The following TBCK variants were observed in gnomAD, a reference collection of about 807,000 sequenced individuals.
TBCK encodes TBC domain-containing protein kinase-like protein.
In TBCK, 99 loss-of-function variants were observed where a neutral mutation model predicts 113.4. The observed-to-expected ratio is 0.87, with a 90% CI of 0.74 to 1.03. The LOEUF (loss-of-function observed/expected upper bound fraction) is 1.03, where lower values mean the gene tolerates loss of function less well. Ranked by LOEUF, TBCK falls within the 50% of genes least tolerant of loss-of-function variation. The pLI, the probability that TBCK is intolerant of heterozygous loss-of-function variation, is 0.00. For missense variants in TBCK, 1,045 were observed against 1,061.3 expected (o/e 0.98, Z 0.21); for synonymous variants, 369 against 370.8 (o/e 1.00, Z 0.05).
chr4:106,245,095 G>C (rs1003426606), intron 10 of TBCK, among the ~76,000 whole-genome samples: 11 of 152,280 alleles, frequency 7.2e-5, no homozygotes, highest in South Asian at 2.1e-4. Flanking sequence ...TCAGGAACCA[G>C]TGCCAAGTTT....
chr4:106,216,178 G>C (rs1480544268), intron 19 of TBCK, among the ~76,000 whole-genome samples: 2 of 151,460 alleles, frequency 1.3e-5, no homozygotes, highest in Non-Finnish European at 2.9e-5. Context: ...CGAGAACAAA[G>C]ACACAACATA....
intron 23 of TBCK, among the ~76,000 whole-genome samples, chr4:106,162,761 C>T (rs10017707): frequency 0.057 from 8,638 of 152,138 alleles, 507 homozygotes; most frequent in East Asian, 0.28. Context: ...GGGACACAGG[C>T]GAACATGTTC....
chr4:106,310,644 T>A (rs1180664230), intron 1 of TBCK: 1 of 152,178 alleles, frequency 6.6e-6, no homozygotes, highest in Admixed American at 6.5e-5. Context: ...CAGCTAAGAT[T>A]TGGCTGTTCA....
intron 24 of TBCK, among the ~76,000 whole-genome samples, chr4:106,103,809 A>C (rs1560648320): frequency 6.6e-6 from 1 of 152,182 alleles, no homozygotes; most frequent in Non-Finnish European, 1.5e-5. Context: ...ACATCCAGGT[A>C]TTTGCAGTGG....
chr4:106,116,461 C>A, intron 23 of TBCK, 83 bp from the exon 24 acceptor site: 1 of 1,099,112 alleles, frequency 9.1e-7, no homozygotes, highest in Non-Finnish European at 1.3e-6. Context: ...ATCTTGATAC[C>A]AAACAATACA....
At chr4:106,201,596 G>A (rs12645271) in intron 20 of TBCK, among the ~76,000 whole-genome samples, 19,687 of 151,892 alleles carry the variant, frequency 0.13, 1,605 homozygotes, top group South Asian at 0.24. Context: ...AGCAAGAGTA[G>A]TGATATTTAG....
At chr4:106,281,458 A>G (rs950863959) in intron 3 of TBCK, among the ~76,000 whole-genome samples, 13 of 152,120 alleles carry the variant, frequency 8.5e-5, no homozygotes, top group Admixed American at 2.0e-4. Context: ...ACTATGTTGA[A>G]TAACAGTAGT....
intron 25 of TBCK, among the ~76,000 whole-genome samples, chr4:106,055,313 A>T (rs984337227): frequency 6.6e-6 from 1 of 151,680 alleles, no homozygotes; most frequent in Non-Finnish European, 1.5e-5. Flanking sequence ...TGAAAAAAAA[A>T]GATAAATGGA....
intron 20 of TBCK, among the ~76,000 whole-genome samples, chr4:106,207,274 A>C (rs1755626022): frequency 6.6e-6 from 1 of 152,330 alleles, no homozygotes; most frequent in South Asian, 2.1e-4. Flanking sequence ...TCCGTGACCC[A>C]GAGCAAAAGG....
chr4:106,257,625 C>T (rs1018767103), intron 5 of TBCK, among the ~76,000 whole-genome samples: 4 of 151,896 alleles, frequency 2.6e-5, no homozygotes, highest in African/African-American at 4.8e-5. Flanking sequence ...TATACAAATT[C>T]GTATTGTGTT....
intron 23 of TBCK, among the ~76,000 whole-genome samples, chr4:106,158,010 C>T (rs1024512714): frequency 9.9e-5 from 15 of 152,006 alleles, no homozygotes; most frequent in Admixed American, 4.6e-4. Context: ...TAAAACTGAA[C>T]GAAATCTAAT....
intron 1 of TBCK, among the ~76,000 whole-genome samples, chr4:106,311,200 TACACACAC>T (rs36011277): frequency 0.12 from 16,357 of 138,170 alleles, 1,323 homozygotes; most frequent in African/African-American, 0.24. Context: ...CAGAAACTCC[TACACACAC>T]ACACACACAC....
chr4:106,092,652 C>T (rs1740424800), intron 25 of TBCK, among the ~76,000 whole-genome samples: 1 of 152,228 alleles, frequency 6.6e-6, no homozygotes, highest in Non-Finnish European at 1.5e-5. Context: ...GAGTGCTAAG[C>T]CCCTCACTGC....
intron 25 of TBCK, among the ~76,000 whole-genome samples, chr4:106,072,604 G>T (rs1218474409): frequency 1.3e-5 from 2 of 151,972 alleles, no homozygotes; most frequent in Non-Finnish European, 2.9e-5. Flanking sequence ...GAGTATGTTT[G>T]TAGTGTTCTC....
rs572362743 is a variant in TBCK at position 106,263,969 on chromosome 4, A to G, written c.267-1757T>C. ...TTTATTACATTGTTTTACATTAACA[A>G]ATTTTATTTTACATTATCAAATAAT... On this transcript the variant is annotated intron_variant, in intron 3 of 25. Coordinates refer to ENST00000394708, the MANE Select transcript of TBCK (RefSeq NM_001163435.3). Among the ~76,000 whole-genome samples, 42 of 152,116 alleles carry G rather than the reference A, an allele frequency of 2.8e-4. No individual in the cohort carries two copies. The South Asian group carries it at 3.7e-3, about 14-fold the overall frequency.
intron 23 of TBCK, among the ~76,000 whole-genome samples, chr4:106,122,164 T>C (rs1237418621): frequency 6.6e-6 from 1 of 151,020 alleles, no homozygotes; most frequent in Non-Finnish European, 1.5e-5. Context: ...AAGAATCAAA[T>C]AGACACAATA....
chr4:106,277,567 A>C (rs1327753767), intron 3 of TBCK, among the ~76,000 whole-genome samples: 1 of 152,194 alleles, frequency 6.6e-6, no homozygotes, highest in Non-Finnish European at 1.5e-5. Flanking sequence ...ATTATGCTGA[A>C]TGAAGGAAGA....
Position 106,220,289 on chromosome 4 carries a change from C to A in TBCK, c.1775-7454G>T, listed in dbSNP as rs75650143. 5.6e-3 allele frequency among the ~76,000 whole-genome samples: 860 copies of A among 152,246 alleles called. 8 individuals carry two copies. The highest frequency in any genetic ancestry group is 0.017 in the African/African-American group (695 of 41,548). On this transcript the variant is annotated intron_variant, in intron 19 of 25. Coordinates refer to ENST00000394708, the MANE Select transcript of TBCK (RefSeq NM_001163435.3). ...GATCTGACGGGTTCTTCAGGGGTTTCTGCTTTTGCTTCTTCCTCATCTTCT... is the reference window on the plus strand; with the variant it reads ...GATCTGACGGGTTCTTCAGGGGTTTATGCTTTTGCTTCTTCCTCATCTTCT...
At chr4:106,314,831 G>A (rs1176675119) in intron 1 of TBCK, among the ~76,000 whole-genome samples, 4 of 151,434 alleles carry the variant, frequency 2.6e-5, no homozygotes, top group Non-Finnish European at 5.9e-5. Context: ...CACCATCCTG[G>A]CCAGGCTGGT....
Sources: allele counts gnomAD v4.1 joint callset (sites outside exome capture counted in the v4.1 genomes callset), GRCh38; gene constraint gnomAD v4.1.1; transcripts MANE v1.5; gene names NCBI Gene and HGNC (gene_info 2026-07-23, HGNC 2026-07-21).